ARHGAP15: variants seen among roughly 807,000 people sequenced by gnomAD.
ARHGAP15 encodes the protein rho GTPase-activating protein 15.
A neutral mutation model predicts 63.7 loss-of-function variants in ARHGAP15; 51 were observed. The observed-to-expected ratio is 0.80, with a 90% CI of 0.64 to 1.01. The LOEUF (loss-of-function observed/expected upper bound fraction) is 1.01, where lower values mean the gene tolerates loss of function less well. Among genes scored for constraint, ARHGAP15 ranks in the 50% least tolerant of loss-of-function variants. ARHGAP15 has a pLI of 0.00. For missense variants in ARHGAP15, 560 were observed against 564.6 expected (o/e 0.99, Z 0.08); for synonymous variants, 191 against 193.8 (o/e 0.99, Z 0.12).
intron 11 of ARHGAP15, among the ~76,000 whole-genome samples, chr2:143,568,719 T>C (rs1696333728): frequency 2.0e-5 from 3 of 152,178 alleles, no homozygotes; most frequent in Admixed American, 6.5e-5. Flanking sequence ...CACACATATG[T>C]TTATTGCAGC....
intron 10 of ARHGAP15, among the ~76,000 whole-genome samples, chr2:143,531,305 G>A (rs1286486691): frequency 6.6e-6 from 1 of 152,138 alleles, no homozygotes; most frequent in Non-Finnish European, 1.5e-5. Context: ...AGCTAGTAAT[G>A]TCTGATTCAT....
chr2:143,222,275 C>T (rs916789307), intron 4 of ARHGAP15, among the ~76,000 whole-genome samples: 7 of 152,224 alleles, frequency 4.6e-5, no homozygotes, highest in African/African-American at 1.7e-4. Flanking sequence ...AAATTACTTT[C>T]ACTCCCATCA....
intron 13 of ARHGAP15, among the ~76,000 whole-genome samples, chr2:143,711,922 C>A (rs1465973415): frequency 6.6e-6 from 1 of 151,960 alleles, no homozygotes; most frequent in Non-Finnish European, 1.5e-5. Flanking sequence ...AAGATCGTGT[C>A]AAAAAACAAA....
intron 6 of ARHGAP15, among the ~76,000 whole-genome samples, chr2:143,311,922 C>A (rs567878463): frequency 6.6e-6 from 1 of 152,114 alleles, no homozygotes; most frequent in Non-Finnish European, 1.5e-5. Flanking sequence ...AATGGCAATG[C>A]GCCTCAAGAA....
intron 6 of ARHGAP15, among the ~76,000 whole-genome samples, chr2:143,409,571 A>G (rs1435250597): frequency 6.6e-6 from 1 of 152,106 alleles, no homozygotes; most frequent in African/African-American, 2.4e-5. Context: ...ATATACCCCC[A>G]GTACAAAGAA....
intron 6 of ARHGAP15, among the ~76,000 whole-genome samples, chr2:143,260,154 T>C (rs1190336268): frequency 6.6e-6 from 1 of 152,140 alleles, no homozygotes; most frequent in Non-Finnish European, 1.5e-5. Context: ...TCGTAATCCT[T>C]CTTCATGAAT....
intron 12 of ARHGAP15, among the ~76,000 whole-genome samples, chr2:143,686,696 G>T (rs1444468360): frequency 5.9e-5 from 9 of 152,076 alleles, no homozygotes. Flanking sequence ...CCAATTTCCT[G>T]TGCTTAAATG....
chr2:143,590,140 G>T (rs561995365), intron 11 of ARHGAP15, among the ~76,000 whole-genome samples: 1 of 152,224 alleles, frequency 6.6e-6, no homozygotes, highest in Non-Finnish European at 1.5e-5. Flanking sequence ...ATTTCCATGT[G>T]CATGCCCCAT....
At chr2:143,214,269 G>T (rs769798133) in intron 3 of ARHGAP15, among the ~76,000 whole-genome samples, 3 of 152,012 alleles carry the variant, frequency 2.0e-5, no homozygotes, top group Non-Finnish European at 4.4e-5. Flanking sequence ...TTAATCAGAA[G>T]AAAACTTAAA....
At chr2:143,190,415 C>T (rs1691634806) in intron 2 of ARHGAP15, among the ~76,000 whole-genome samples, 1 of 152,192 alleles carries the variant, frequency 6.6e-6, no homozygotes, top group Admixed American at 6.5e-5. Flanking sequence ...CTCCAATTTT[C>T]TGGATGAAGG....
intron 1 of ARHGAP15, among the ~76,000 whole-genome samples, chr2:143,154,903 T>A (rs1012374661): frequency 2.0e-5 from 3 of 151,968 alleles, no homozygotes; most frequent in African/African-American, 7.2e-5. Flanking sequence ...CCAACTAAGC[T>A]AGCAAATCTA....
At position 143,548,755 on chromosome 2, in the gene ARHGAP15, G is replaced by A. The variant is rs542180226; in HGVS notation, c.926-7653G>A. Among the ~76,000 whole-genome samples, 3 of 152,056 alleles carry A rather than the reference G, an allele frequency of 2.0e-5. 1 individual carries two copies. The highest frequency in any genetic ancestry group is 7.2e-5 in the African/African-American group (3 of 41,512). ...CAAACAAAATAATAAAGGAAAAATT[G>A]AAGGTATTTTGTTATGACATTAAAA... On this transcript the variant is annotated intron_variant, in intron 10 of 13. Transcript: ENST00000295095.
At chr2:143,201,597 G>A (rs1264533992) in intron 2 of ARHGAP15, among the ~76,000 whole-genome samples, 1 of 152,042 alleles carries the variant, frequency 6.6e-6, no homozygotes, top group East Asian at 1.9e-4. Flanking sequence ...GAAGGATAGA[G>A]GACTTCTTTA....
chr2:143,183,669 A>T (rs986560582), intron 2 of ARHGAP15, among the ~76,000 whole-genome samples: 2 of 152,070 alleles, frequency 1.3e-5, no homozygotes, highest in African/African-American at 4.8e-5. Context: ...AAAACACTTT[A>T]AAAATCTCTA....
intron 6 of ARHGAP15, among the ~76,000 whole-genome samples, chr2:143,369,209 T>C (rs921978459): frequency 2.0e-5 from 3 of 152,156 alleles, no homozygotes; most frequent in African/African-American, 7.2e-5. Flanking sequence ...TAGTATATTG[T>C]TCATCTCATT....
intron 10 of ARHGAP15, 188 bp downstream of exon 10, chr2:143,519,552 TCTC>T: frequency 2.2e-6 from 1 of 450,194 alleles, no homozygotes; most frequent in Non-Finnish European, 4.1e-6. Context: ...CATTAGTAAT[TCTC>T]ACTAATGTTC....
chr2:143,368,843 T>G (rs745832446), intron 6 of ARHGAP15, among the ~76,000 whole-genome samples: 17 of 152,126 alleles, frequency 1.1e-4, no homozygotes, highest in African/African-American at 3.6e-4. Flanking sequence ...AAGTTTAATT[T>G]CATCCAGATA....
rs181638069 is a variant in ARHGAP15 at position 143,546,254 on chromosome 2, G to A, written c.926-10154G>A. Among the ~76,000 whole-genome samples the A allele has an allele frequency of 1.2e-3, 181 of 152,206 alleles. 3 individuals carry two copies. The highest frequency in any genetic ancestry group is 4.1e-3 in the African/African-American group (171 of 41,530). ...TTTGTTTAGATGTTAAAAAAAATAC[G>A]GGTGGAGGGATTGAAAAGAATGATG... On this transcript the variant is annotated intron_variant, in intron 10 of 13. Coordinates refer to ENST00000295095, the MANE Select transcript of ARHGAP15 (RefSeq NM_018460.4).
chr2:143,340,010 C>T (rs1267330685), intron 6 of ARHGAP15, among the ~76,000 whole-genome samples: 3 of 152,048 alleles, frequency 2.0e-5, no homozygotes, highest in Admixed American at 2.0e-4. Flanking sequence ...CTCACATAAC[C>T]CAACATTAGT....
Sources: allele counts gnomAD v4.1 joint callset (sites outside exome capture counted in the v4.1 genomes callset), GRCh38; gene constraint gnomAD v4.1.1; transcripts MANE v1.5; gene names NCBI Gene and HGNC (gene_info 2026-07-23, HGNC 2026-07-21).